The following KIAA1671 variants were observed in gnomAD, a reference collection of about 807,000 sequenced individuals.
The protein encoded by KIAA1671 is KIAA1671, also known as uncharacterized protein KIAA1671.
Under a neutral mutation model 131.2 loss-of-function variants are expected in KIAA1671, and 52 were observed. That is an observed-to-expected ratio of 0.40 (90% CI 0.32 to 0.50). The LOEUF (loss-of-function observed/expected upper bound fraction) is 0.50. Among genes scored for constraint, KIAA1671 ranks in the 20% least tolerant of loss-of-function variants. KIAA1671 has a pLI of 0.73. For missense variants in KIAA1671, 2,360 were observed against 2,364.2 expected, an observed-to-expected ratio of 1.00 and a Z score of 0.04; for synonymous variants, 1,003 against 961.6, an observed-to-expected ratio of 1.04 and a Z score of -0.80.
At chr22:25,134,619 T>C (rs1437155399) in intron 6 of KIAA1671, among the ~76,000 whole-genome samples, 1 of 152,198 alleles carries the variant, frequency 6.6e-6, no homozygotes, top group Non-Finnish European at 1.5e-5. Flanking sequence ...GGTTGTGAAA[T>C]GAGCAATAAA....
At chr22:25,142,162 A>G (rs1474446039) in intron 6 of KIAA1671, among the ~76,000 whole-genome samples, 1 of 152,104 alleles carries the variant, frequency 6.6e-6, no homozygotes, top group East Asian at 1.9e-4. Context: ...ATTCCACACT[A>G]GCATCCTAGG....
chr22:25,058,262 C>G (rs993531385), intron 6 of KIAA1671: 10 of 152,168 alleles, frequency 6.6e-5, no homozygotes. Flanking sequence ...TACAGAGAGT[C>G]CCCATACACC....
chr22:24,998,757 A>T (rs897564500), intron 1 of KIAA1671, among the ~76,000 whole-genome samples: 8 of 151,222 alleles, frequency 5.3e-5, no homozygotes, highest in Non-Finnish European at 1.2e-4. Flanking sequence ...TAATACTCTC[A>T]TAAATGATCA....
At chr22:25,058,675 G>A (rs2024843021) in intron 6 of KIAA1671, 1 of 152,178 alleles carries the variant, frequency 6.6e-6, no homozygotes, top group Admixed American at 6.5e-5. Flanking sequence ...GTGATCTGTT[G>A]TTATAATGAA....
chr22:25,055,812 A>T (rs886597360), intron 6 of KIAA1671: 13 of 149,024 alleles, frequency 8.7e-5, no homozygotes, highest in African/African-American at 3.2e-4. Flanking sequence ...AGATATAGAT[A>T]TAGATATAGA....
chr22:25,118,861 G>A (rs906618309), intron 6 of KIAA1671, among the ~76,000 whole-genome samples: 1 of 151,964 alleles, frequency 6.6e-6, no homozygotes, highest in African/African-American at 2.4e-5. Flanking sequence ...CCTTCCAGAC[G>A]CCAGGACTTT....
chr22:24,958,885 G>A (rs1411695299), intron 1 of KIAA1671, among the ~76,000 whole-genome samples: 1 of 151,584 alleles, frequency 6.6e-6, no homozygotes, highest in African/African-American at 2.4e-5. Flanking sequence ...GGGAGGCTGA[G>A]GCAGCAGACT....
chr22:25,123,639 C>T (rs1289321839), intron 6 of KIAA1671, among the ~76,000 whole-genome samples: 1 of 152,124 alleles, frequency 6.6e-6, no homozygotes, highest in African/African-American at 2.4e-5. Flanking sequence ...GCCTCCAGTC[C>T]ACCACCAGCA....
chr22:25,192,250 C>G (rs1205656867), intron 12 of KIAA1671, among the ~76,000 whole-genome samples, 156 bp from the exon 13 acceptor site: 1 of 152,068 alleles, frequency 6.6e-6, no homozygotes, highest in Non-Finnish European at 1.5e-5. Context: ...CCTCACCTCC[C>G]CTTTCCACCC....
rs1164105053 is a variant in KIAA1671, at chr22:25,148,262, A to ACAGTCCCAGCCCTCCCT, written c.4531-22532_4531-22516dup. The stretch of plus-strand genomic sequence containing the variant: ...CACCCCCCTCAGTCCCAGCCCTCCC[A>ACAGTCCCAGCCCTCCCT]CAGTCCCAGCCCTCCCTCAGTCCCA... On this transcript the variant is annotated intron_variant, in intron 6 of 12. Coordinates refer to ENST00000358431, the MANE Select transcript of KIAA1671 (RefSeq NM_001145206.2). 6.3e-3 allele frequency among the ~76,000 whole-genome samples: 238 copies of ACAGTCCCAGCCCTCCCT among 37,586 alleles called. 1 individual carries two copies. The highest frequency in any genetic ancestry group is 0.022 in the African/African-American group (206 of 9,476). 24.7% of individuals were successfully genotyped at this position (37,586 alleles called of 152,430 possible). A position where few individuals can be genotyped will look rare whatever the true frequency, so the allele number is the denominator to read the frequency against.
chr22:25,078,111 C>A (rs1929211463), intron 6 of KIAA1671, among the ~76,000 whole-genome samples: 2 of 152,178 alleles, frequency 1.3e-5, no homozygotes, highest in Admixed American at 1.3e-4. Context: ...ACTTGGAAAT[C>A]TGACTCCAAA....
chr22:25,090,944 T>G (rs1929997086), intron 6 of KIAA1671, among the ~76,000 whole-genome samples: 1 of 152,182 alleles, frequency 6.6e-6, no homozygotes, highest in African/African-American at 2.4e-5. Context: ...GGGATCCTCA[T>G]CTGTCTTGGT....
At position 25,049,319 on chromosome 22, in the gene KIAA1671, G is replaced by C; in HGVS notation, c.4485G>C (p.Trp1495Cys). The change falls in exon 6 of 13, where the codon TGG becomes TGC. Residue 1495 changes from tryptophan to cysteine, a missense_variant. Trp to Cys is a radical substitution (Grantham distance 215). This residue lies in a region of KIAA1671 where 1,161 missense variants were observed against 1,204.7 expected (regional missense o/e 0.96). Transcript: ENST00000358431. ...TGTCCCCTGTGGCCTCGGTTCCCTGGAGAAGCCACAGCTTCTGCAAAGACA... is the reference window on the plus strand; with the variant it reads ...TGTCCCCTGTGGCCTCGGTTCCCTGCAGAAGCCACAGCTTCTGCAAAGACA... Reference protein sequence around the residue: ...QQVSPVASVPWRSHSFCKDRR... With the variant: ...QQVSPVASVPCRSHSFCKDRR... 6.4e-7 allele frequency: 1 copy of C among 1,551,624 alleles called. No homozygotes were observed. The highest frequency in any genetic ancestry group is 8.7e-7 in the Non-Finnish European group (1 of 1,146,878).
intron 6 of KIAA1671, among the ~76,000 whole-genome samples, chr22:25,157,691 C>G (rs546732636): frequency 4.5e-4 from 68 of 152,244 alleles, no homozygotes; most frequent in African/African-American, 1.6e-3. Context: ...TCCCCTCTCC[C>G]CTGATTATTT....
At chr22:25,156,769 A>G (rs912014555) in intron 6 of KIAA1671, among the ~76,000 whole-genome samples, 1 of 152,166 alleles carries the variant, frequency 6.6e-6, no homozygotes, top group Non-Finnish European at 1.5e-5. Context: ...GGGATGGTCA[A>G]GCCACTTTGT....
intron 6 of KIAA1671, among the ~76,000 whole-genome samples, chr22:25,161,802 C>T (rs1178507003): frequency 6.6e-6 from 1 of 152,164 alleles, no homozygotes; most frequent in Non-Finnish European, 1.5e-5. Context: ...CCTGTGGATG[C>T]ACTTCGGGAT....
intron 11 of KIAA1671, among the ~76,000 whole-genome samples, chr22:25,187,557 C>T (rs1209493070): frequency 7.2e-5 from 11 of 152,122 alleles, no homozygotes; most frequent in Admixed American, 7.2e-4. Flanking sequence ...CACTCTGTCA[C>T]CCAGGCTGGA....
chr22:25,195,748 A>G lies in KIAA1671; in HGVS notation c.*3347A>G, dbSNP rs755508583. Reference sequence around the variant, plus strand: ...CTATGCTTTAAAATTTTTCTTTATAATGCCCCCAGATGGCTCCTGGAACTA... The same window carrying G: ...CTATGCTTTAAAATTTTTCTTTATAGTGCCCCCAGATGGCTCCTGGAACTA... On this transcript the variant is annotated 3_prime_UTR_variant, in exon 13 of 13. Coordinates refer to ENST00000358431, the MANE Select transcript of KIAA1671 (RefSeq NM_001145206.2). The G allele has an allele frequency of 2.0e-5, 3 of 152,128 alleles. No individual in the cohort carries two copies. Among genetic ancestry groups the G allele is most frequent in the Non-Finnish European group, 4.4e-5 (3 of 68,030 alleles). The allele number at this position is 152,128 out of a possible 1,614,324, so 9.4% of individuals were successfully genotyped here. A position where few individuals can be genotyped will look rare whatever the true frequency, so the allele number is the denominator to read the frequency against.
chr22:25,078,395 G>T (rs1929225513), intron 6 of KIAA1671, among the ~76,000 whole-genome samples: 3 of 152,136 alleles, frequency 2.0e-5, no homozygotes, highest in South Asian at 2.1e-4. Flanking sequence ...CAAGTATAAT[G>T]GTGTACGCCT....
Sources: allele counts gnomAD v4.1 joint callset (sites outside exome capture counted in the v4.1 genomes callset), GRCh38; gene constraint gnomAD v4.1.1; regional missense constraint gnomAD v4.1.1; transcripts MANE v1.5; gene names NCBI Gene and HGNC (gene_info 2026-07-23, HGNC 2026-07-21).